The following ABCC4 variants were observed in gnomAD, a reference collection of about 807,000 sequenced individuals.
ABCC4 encodes ATP binding cassette subfamily C member 4 (PEL blood group).
Under a neutral mutation model 168.5 loss-of-function variants are expected in ABCC4, and 102 were observed. That is an observed-to-expected ratio of 0.61 (90% CI 0.52 to 0.71). ABCC4 has a LOEUF of 0.71. Ranked by LOEUF, ABCC4 falls within the 30% of genes least tolerant of loss-of-function variation. The pLI is 0.00. For synonymous variants in ABCC4, 617 were observed against 590.7 expected, an observed-to-expected ratio of 1.04 and a Z score of -0.65; for missense variants, 1,402 against 1,605.8, an observed-to-expected ratio of 0.87 and a Z score of 2.17.
chr13:95,245,608 T>C (rs1204228094), intron 3 of ABCC4, among the ~76,000 whole-genome samples: 1 of 152,158 alleles, frequency 6.6e-6, no homozygotes, highest in East Asian at 1.9e-4. Context: ...ATTCTGCATG[T>C]CCACCCCATC....
In ABCC4 at chr13:95,108,945, C is replaced by T. The variant is rs1242338594; in HGVS notation, c.2535+6977G>A. Among the ~76,000 whole-genome samples the T allele has an allele frequency of 3.3e-5, 5 of 152,290 alleles. 1 individual carries two copies. Among genetic ancestry groups the T allele is most frequent in the African/African-American group, 1.2e-4 (5 of 41,570 alleles). ...TTTTCAAACTCAACGTCACCTCCTC[C>T]TTGACTATGCTGGTCCAGTCATTAG... On this transcript the variant is annotated intron_variant, in intron 20 of 30. Transcript: ENST00000645237.
chr13:95,070,406 AGGAGAGGGGTG>A (rs924835695), intron 25 of ABCC4, among the ~76,000 whole-genome samples: 1 of 151,874 alleles, frequency 6.6e-6, no homozygotes, highest in African/African-American at 2.4e-5. Context: ...GGGAGTTGTG[AGGAGAGGGGTG>A]GGAAGGGGAA....
intron 19 of ABCC4, among the ~76,000 whole-genome samples, chr13:95,124,435 C>T (rs1031095560): frequency 1.3e-5 from 2 of 151,752 alleles, no homozygotes; most frequent in Non-Finnish European, 2.9e-5. Context: ...CTCAAGCCTG[C>T]AATCCCAGCA....
intron 4 of ABCC4, among the ~76,000 whole-genome samples, chr13:95,216,576 A>T (rs562906165): frequency 1.4e-5 from 2 of 142,578 alleles, no homozygotes; most frequent in South Asian, 4.6e-4. Context: ...ATTATTTTTT[A>T]AAAGGAGCAA....
At chr13:95,087,714 C>T (rs569529611) in intron 20 of ABCC4, among the ~76,000 whole-genome samples, 1 of 152,278 alleles carries the variant, frequency 6.6e-6, no homozygotes, top group Admixed American at 6.5e-5. Context: ...AATGTAAGCT[C>T]CTAAGCCCAA....
intron 3 of ABCC4, among the ~76,000 whole-genome samples, chr13:95,241,808 C>G (rs1216717632): frequency 6.6e-6 from 1 of 152,224 alleles, no homozygotes; most frequent in African/African-American, 2.4e-5. Context: ...GTCACCATCT[C>G]TCTTCCTGCT....
chr13:95,199,353 T>G (rs1400982645), intron 8 of ABCC4, among the ~76,000 whole-genome samples: 1 of 152,132 alleles, frequency 6.6e-6, no homozygotes, highest in African/African-American at 2.4e-5. Context: ...TTGGATCAAT[T>G]CATTACACTC....
chr13:95,092,874 C>T (rs952382269), intron 20 of ABCC4, among the ~76,000 whole-genome samples: 1 of 151,854 alleles, frequency 6.6e-6, no homozygotes, highest in Non-Finnish European at 1.5e-5. Context: ...TAACTGACAC[C>T]ACTGAAATAC....
intron 1 of ABCC4, among the ~76,000 whole-genome samples, chr13:95,279,552 C>T (rs983854750): frequency 1.3e-5 from 2 of 152,102 alleles, no homozygotes; most frequent in Admixed American, 6.6e-5. Flanking sequence ...AGAATGACAG[C>T]GCTGAAATAA....
rs139970877 is a variant in ABCC4, at chr13:95,098,009, G to A, written c.2536-14719C>T. Among the ~76,000 whole-genome samples, 66 of 151,844 alleles carry A rather than the reference G, an allele frequency of 4.3e-4. No individual in the cohort carries two copies. The East Asian group carries it at 0.011, about 25-fold the overall frequency. ...AAATTAGCTGGGTGTGGTGATGTGC[G>A]CCTGTAATCCCAGCTATTCAACAGG... On this transcript the variant is annotated intron_variant, in intron 20 of 30. Coordinates refer to ENST00000645237, the MANE Select transcript of ABCC4 (RefSeq NM_005845.5).
chr13:95,069,795 C>G (rs1049816474), intron 25 of ABCC4, among the ~76,000 whole-genome samples: 1 of 152,208 alleles, frequency 6.6e-6, no homozygotes, highest in Non-Finnish European at 1.5e-5. Flanking sequence ...GTGTCAGAAT[C>G]ACCTTCTTTT....
At chr13:95,070,671 G>T (rs2033694198) in intron 25 of ABCC4, among the ~76,000 whole-genome samples, 1 of 152,132 alleles carries the variant, frequency 6.6e-6, no homozygotes, top group East Asian at 1.9e-4. Context: ...GCACTGATGG[G>T]GTCATGGGAT....
chr13:95,055,044 A>C (rs1266382383), intron 26 of ABCC4, among the ~76,000 whole-genome samples: 2 of 152,162 alleles, frequency 1.3e-5, no homozygotes, highest in Admixed American at 1.3e-4. Flanking sequence ...TATCCTTCCA[A>C]AAGCACTGAA....
intron 20 of ABCC4, among the ~76,000 whole-genome samples, chr13:95,102,790 T>G (rs1163546239): frequency 6.6e-6 from 1 of 151,128 alleles, no homozygotes; most frequent in Admixed American, 6.6e-5. Flanking sequence ...CCAGCTAATT[T>G]TTGTATTTTT....
At chr13:95,290,741 G>A (rs952950828) in intron 1 of ABCC4, among the ~76,000 whole-genome samples, 1 of 136,734 alleles carries the variant, frequency 7.3e-6, no homozygotes. Context: ...AGAGGAAATC[G>A]TGAGGCCAGG....
intron 3 of ABCC4, among the ~76,000 whole-genome samples, chr13:95,239,662 C>T (rs1448536190): frequency 6.6e-6 from 1 of 152,076 alleles, no homozygotes; most frequent in Non-Finnish European, 1.5e-5. Context: ...CATGAGCTCA[C>T]AATCATACTC....
chr13:95,079,201 CGT>C (rs2139324608), intron 21 of ABCC4, among the ~76,000 whole-genome samples: 1 of 152,310 alleles, frequency 6.6e-6, no homozygotes, highest in South Asian at 2.1e-4. Context: ...TCAGCTCTAA[CGT>C]ACTAGTCAGC....
chr13:95,054,296 G>C (rs1030075459), intron 26 of ABCC4, among the ~76,000 whole-genome samples: 1 of 151,886 alleles, frequency 6.6e-6, no homozygotes, highest in African/African-American at 2.4e-5. Context: ...TGCTTCAGGA[G>C]GATCCCACAA....
intron 8 of ABCC4, among the ~76,000 whole-genome samples, chr13:95,200,199 T>C (rs970838936): frequency 6.6e-6 from 1 of 152,226 alleles, no homozygotes; most frequent in Admixed American, 6.5e-5. Flanking sequence ...AATTACATTG[T>C]AGAGTCAATG....
Sources: gnomAD v4.1 joint callset for allele counts (sites outside exome capture counted in the v4.1 genomes callset) on GRCh38, gnomAD v4.1.1 for gene constraint, MANE v1.5 for transcripts, NCBI Gene and HGNC (gene_info 2026-07-23, HGNC 2026-07-21) for gene names.